The following BTBD2 variants were observed in gnomAD, a reference collection of about 807,000 sequenced individuals.
BTBD2 encodes BTB domain containing 2.
A neutral mutation model predicts 44.0 loss-of-function variants in BTBD2; 15 were observed. That is an observed-to-expected ratio of 0.34 (90% CI 0.23 to 0.53). The LOEUF is 0.53. BTBD2 is among the 20% of genes least tolerant of loss of function. The pLI is 0.95. For synonymous variants in BTBD2, 443 were observed against 335.9 expected, an observed-to-expected ratio of 1.32 and a Z score of -3.49; for missense variants, 657 against 746.4, an observed-to-expected ratio of 0.88 and a Z score of 1.39.
chr19:1,987,909 A>C, intron 5 of BTBD2: 1 of 567,542 alleles, frequency 1.8e-6, no homozygotes, highest in East Asian at 3.0e-5. Context: ...GCCGACAGAT[A>C]CGCTCACTCA....
intron 1 of BTBD2, among the ~76,000 whole-genome samples, chr19:2,005,612 T>C (rs1273085544): frequency 6.6e-6 from 1 of 151,426 alleles, no homozygotes; most frequent in South Asian, 2.1e-4. Context: ...TGAAACGCCA[T>C]CTCTCCTAAA....
At chr19:2,009,020 C>CT (rs34436568) in intron 1 of BTBD2, among the ~76,000 whole-genome samples, 67,654 of 143,144 alleles carry the variant, frequency 0.47, 16,805 homozygotes, top group East Asian at 0.69. Flanking sequence ...ACACACTGTT[C>CT]TTTTTTTTTT....
intron 1 of BTBD2, among the ~76,000 whole-genome samples, chr19:1,998,866 C>T (rs549679185): frequency 1.2e-4 from 18 of 152,108 alleles, no homozygotes; most frequent in Non-Finnish European, 2.1e-4. Flanking sequence ...CTGCGCGCGG[C>T]GGAGCACCTG....
chr19:2,009,423 T>C (rs752672806), intron 1 of BTBD2, among the ~76,000 whole-genome samples: 9 of 151,304 alleles, frequency 5.9e-5, no homozygotes, highest in Non-Finnish European at 8.9e-5. Flanking sequence ...TGGTCTCAAA[T>C]TCCTGACCTC....
chr19:1,999,795 C>A (rs1270964550), intron 1 of BTBD2, among the ~76,000 whole-genome samples: 1 of 151,926 alleles, frequency 6.6e-6, no homozygotes, highest in Non-Finnish European at 1.5e-5. Flanking sequence ...AACCCCGTCT[C>A]TACTAAAAAT....
intron 1 of BTBD2, among the ~76,000 whole-genome samples, chr19:2,001,380 T>A (rs1336019761): frequency 2.0e-5 from 3 of 152,064 alleles, no homozygotes; most frequent in African/African-American, 7.2e-5. Flanking sequence ...TAATCCCAGA[T>A]ACTCAGGAGG....
chr19:2,012,134 G>A lies in BTBD2; in HGVS notation c.407+3163C>T, dbSNP rs545930307. 9.6e-4 allele frequency among the ~76,000 whole-genome samples: 145 copies of A among 150,932 alleles called. 7 individuals are homozygous for A. Among genetic ancestry groups the A allele is most frequent in the African/African-American group, 3.5e-3 (141 of 40,850 alleles). ...CTCCCAAAGTGCTGGGATTACAGGC[G>A]TGAGCCACCGCGCCCAGCCTGTCCT... On this transcript the variant is annotated intron_variant, in intron 1 of 8. Coordinates refer to ENST00000255608, the MANE Select transcript of BTBD2 (RefSeq NM_017797.4).
chr19:1,987,025 GGGACCCCTCGA>G, intron 7 of BTBD2, 49 bp from the exon 8 acceptor site: 1 of 1,598,134 alleles, frequency 6.3e-7, no homozygotes, highest in Non-Finnish European at 8.5e-7. Context: ...AGGGCCAACG[GGGACCCCTCGA>G]GGCCCAGCCC....
intron 1 of BTBD2, among the ~76,000 whole-genome samples, chr19:2,009,253 T>C (rs1413758430): frequency 6.6e-6 from 1 of 150,730 alleles, no homozygotes; most frequent in East Asian, 2.0e-4. Context: ...GGTTGGAGTG[T>C]GGTGGCGTGA....
At chr19:1,999,039 C>G (rs1218231084) in intron 1 of BTBD2, among the ~76,000 whole-genome samples, 2 of 152,162 alleles carry the variant, frequency 1.3e-5, no homozygotes, top group African/African-American at 4.8e-5. Flanking sequence ...TCCTGCACAG[C>G]TGAACCTCCA....
intron 7 of BTBD2, 91 bp from the exon 8 acceptor site, chr19:1,987,067 G>A: frequency 6.3e-7 from 1 of 1,592,250 alleles, no homozygotes; most frequent in Non-Finnish European, 8.6e-7. Flanking sequence ...GGTGGGGGCA[G>A]CACAGGGACC....
At chr19:2,009,749 C>G (rs898325114) in intron 1 of BTBD2, among the ~76,000 whole-genome samples, 18 of 152,226 alleles carry the variant, frequency 1.2e-4, no homozygotes, top group African/African-American at 4.1e-4. Context: ...ACTCAGAAGG[C>G]TGAGACAGGA....
At chr19:2,015,272 G>A (rs1442510500) in intron 1 of BTBD2, 25 bp downstream of exon 1, 22 of 1,533,198 alleles carry the variant, frequency 1.4e-5, no homozygotes, top group Admixed American at 5.8e-5. Context: ...GTCGGGGCCA[G>A]GGCTGGCGGG....
intron 1 of BTBD2, among the ~76,000 whole-genome samples, chr19:2,014,880 G>A (rs952281877): frequency 1.3e-5 from 2 of 151,580 alleles, no homozygotes; most frequent in African/African-American, 4.9e-5. Flanking sequence ...GATCCAGGGG[G>A]GCCTGGGGAT....
At chr19:2,011,184 T>A (rs577992133) in intron 1 of BTBD2, among the ~76,000 whole-genome samples, 3 of 151,982 alleles carry the variant, frequency 2.0e-5, no homozygotes, top group African/African-American at 7.2e-5. Context: ...CAGCCAGAAG[T>A]CTGGGGACCC....
At chr19:2,014,329 AG>A (rs998683796) in intron 1 of BTBD2, 9 of 147,102 alleles carry the variant, frequency 6.1e-5, no homozygotes, top group African/African-American at 2.3e-4. Context: ...TCCTAGAAAC[AG>A]TGGGTTGGGG....
In BTBD2 at chr19:2,015,386, G is replaced by A; in HGVS notation, c.318C>T (p.Arg106=). The change falls in exon 1 of 9, where the codon CGC becomes CGT. Residue 106 remains arginine, a synonymous_variant. Coordinates refer to ENST00000255608, the MANE Select transcript of BTBD2 (RefSeq NM_017797.4). ...CCTCGTTGTTGAAGAGGAAGGCGAA[G>A]CGCTCCTGCACGGTGGGCTTGCTGG... is the stretch of plus-strand genomic sequence containing the variant. ...WQASKPTVQE[R]FAFLFNNEVL... 6.3e-7 allele frequency: 1 copy of A among 1,582,742 alleles called. No individual in the cohort carries two copies. The highest frequency in any genetic ancestry group is 8.5e-7 in the Non-Finnish European group (1 of 1,171,876).
chr19:1,993,223 C>A, intron 2 of BTBD2, 47 bp from the exon 3 acceptor site: 2 of 1,563,176 alleles, frequency 1.3e-6, no homozygotes, highest in Non-Finnish European at 1.7e-6. Context: ...GCCATGCCCG[C>A]CCCCAGGGGA....
Position 2,005,203 on chromosome 19 carries a change from C to T in BTBD2, c.408-7740G>A, listed in dbSNP as rs2016380480. On this transcript the variant is annotated intron_variant, in intron 1 of 8. Coordinates refer to ENST00000255608, the MANE Select transcript of BTBD2 (RefSeq NM_017797.4). ...CTCACTGGCTGGTCTGCGGGTTTTC[C>T]GGTTTTGAGCTACTGTGAATCATGC... is the stretch of plus-strand genomic sequence containing the variant. 2.0e-5 allele frequency among the ~76,000 whole-genome samples: 3 copies of T among 152,138 alleles called. No homozygotes were observed. In the South Asian group the frequency reaches 6.2e-4, roughly 31 times the overall value.
Sources: allele counts gnomAD v4.1 joint callset (sites outside exome capture counted in the v4.1 genomes callset), GRCh38; gene constraint gnomAD v4.1.1; transcripts MANE v1.5; gene names NCBI Gene and HGNC (gene_info 2026-07-23, HGNC 2026-07-21).